PALM2AKAP2: variants seen among roughly 807,000 people sequenced by gnomAD.
PALM2AKAP2 encodes the protein PALM2-AKAP2 fusion protein.
Under a neutral mutation model 71.5 loss-of-function variants are expected in PALM2AKAP2, and 37 were observed. That is an observed-to-expected ratio of 0.52 (90% CI 0.40 to 0.68). The LOEUF (loss-of-function observed/expected upper bound fraction) is 0.68. PALM2AKAP2 is among the 30% of genes least tolerant of loss of function. The probability of loss-of-function intolerance (pLI) is 0.00; values close to 1 mark genes in which losing one functional copy is unlikely to be tolerated. For synonymous variants in PALM2AKAP2, 468 were observed against 478.8 expected (o/e 0.98, Z 0.29); for missense variants, 1,224 against 1,191.8 (o/e 1.03, Z -0.40).
chr9:109,783,071 C>T (rs1005918484), intron 1 of PALM2AKAP2, among the ~76,000 whole-genome samples: 13 of 152,152 alleles, frequency 8.5e-5, no homozygotes, highest in South Asian at 2.1e-4. Context: ...GGCAGAGAAT[C>T]GACTGGGATT....
At chr9:109,723,984 T>A (rs1465422960) in intron 1 of PALM2AKAP2, among the ~76,000 whole-genome samples, 1 of 152,198 alleles carries the variant, frequency 6.6e-6, no homozygotes, top group Non-Finnish European at 1.5e-5. Flanking sequence ...TTGAAGGACT[T>A]TAGTCAGCTC....
At chr9:109,777,300 T>C (rs561236709), upstream of PALM2AKAP2, among the ~76,000 whole-genome samples, 1 of 152,354 alleles carries the variant, frequency 6.6e-6, no homozygotes, top group Admixed American at 6.5e-5. Context: ...CTGGCTAATG[T>C]GATGCTCATC....
At chr9:109,941,509 C>G (rs1831366528) in intron 6 of PALM2AKAP2, among the ~76,000 whole-genome samples, 2 of 152,172 alleles carry the variant, frequency 1.3e-5, no homozygotes, top group African/African-American at 4.8e-5. Flanking sequence ...GACTAGGTAG[C>G]AGTGCTGCTG....
chr9:110,035,402 GTA>G (rs1833374795), intron 7 of PALM2AKAP2, among the ~76,000 whole-genome samples: 1 of 70,118 alleles, frequency 1.4e-5, no homozygotes, highest in Non-Finnish European at 2.5e-5. Context: ...ATACATATAC[GTA>G]TATAATATGT....
chr9:110,032,897 C>G (rs1205124223), intron 7 of PALM2AKAP2, among the ~76,000 whole-genome samples: 1 of 151,962 alleles, frequency 6.6e-6, no homozygotes, highest in Non-Finnish European at 1.5e-5. Context: ...AATCCTACCA[C>G]TGCACTGTAG....
In PALM2AKAP2 at chr9:109,933,533, A is replaced by T. The variant is rs1379596139; in HGVS notation, c.496+1505A>T. Among the ~76,000 whole-genome samples the T allele has an allele frequency of 1.3e-5, 2 of 152,236 alleles. 1 individual carries two copies. On this transcript the variant is annotated intron_variant, in intron 6 of 9. Coordinates refer to the PALM2AKAP2 transcript ENST00000302798. ...TTTTAAGAGACAGAAAAAGAATTTGAGCAGTGTGGGTAGTCAAAGAGTTTA... is the reference window on the plus strand; with the variant it reads ...TTTTAAGAGACAGAAAAAGAATTTGTGCAGTGTGGGTAGTCAAAGAGTTTA...
upstream of PALM2AKAP2, among the ~76,000 whole-genome samples, chr9:109,777,283 A>G (rs1483684996): frequency 6.6e-6 from 1 of 152,110 alleles, no homozygotes; most frequent in Non-Finnish European, 1.5e-5. Flanking sequence ...CTTCTTCCCA[A>G]GGCTAACTGG....
intron 3 of PALM2AKAP2, among the ~76,000 whole-genome samples, chr9:110,163,177 T>G (rs1195335314): frequency 6.6e-6 from 1 of 152,164 alleles, no homozygotes; most frequent in Non-Finnish European, 1.5e-5. Flanking sequence ...ATTTCTGTAT[T>G]TTATTTTGAT....
intron 2 of PALM2AKAP2, among the ~76,000 whole-genome samples, chr9:109,869,601 G>C (rs1409397301): frequency 6.6e-6 from 1 of 151,028 alleles, no homozygotes; most frequent in Non-Finnish European, 1.5e-5. Context: ...GCCTCCCAAA[G>C]TGCTGGGATT....
intron 1 of PALM2AKAP2, among the ~76,000 whole-genome samples, chr9:109,845,068 A>G (rs1304741387): frequency 6.6e-6 from 1 of 152,132 alleles, no homozygotes; most frequent in Non-Finnish European, 1.5e-5. Flanking sequence ...TTTACACCTT[A>G]AACACTCTTC....
chr9:109,679,766 T>C (rs528449543), intron 1 of PALM2AKAP2, among the ~76,000 whole-genome samples: 1 of 152,224 alleles, frequency 6.6e-6, no homozygotes, highest in South Asian at 2.1e-4. Context: ...TCTCCTCTTC[T>C]CCCCTAGGGT....
Position 109,696,880 on chromosome 9 carries a change from T to A in PALM2AKAP2, c.5+56014T>A, listed in dbSNP as rs186157686. Among the ~76,000 whole-genome samples the A allele has an allele frequency of 1.2e-3, 178 of 152,214 alleles. 1 individual carries two copies. Among genetic ancestry groups the A allele is most frequent in the African/African-American group, 4.0e-3 (166 of 41,526 alleles). On this transcript the variant is annotated intron_variant, in intron 1 of 6. Transcript: ENST00000374531. ...GTATATTGGCAATATACAAAGCCAATATCTATTGTATATTGTGGTACAAAA... is the reference window on the plus strand; with the variant it reads ...GTATATTGGCAATATACAAAGCCAAAATCTATTGTATATTGTGGTACAAAA...
intron 1 of PALM2AKAP2, among the ~76,000 whole-genome samples, chr9:109,757,392 C>A (rs1999004): frequency 8.6e-5 from 13 of 151,826 alleles, no homozygotes; most frequent in Admixed American, 2.6e-4. Flanking sequence ...GAAATAAAAG[C>A]CTTTGATGCC....
chr9:109,937,258 G>A (rs1236794049), intron 6 of PALM2AKAP2, among the ~76,000 whole-genome samples: 2 of 152,110 alleles, frequency 1.3e-5, no homozygotes, highest in Admixed American at 6.6e-5. Flanking sequence ...TTTTAGGTGG[G>A]CACCTTCCCC....
intron 1 of PALM2AKAP2, among the ~76,000 whole-genome samples, chr9:109,816,479 G>A (rs1455484768): frequency 6.6e-6 from 1 of 152,108 alleles, no homozygotes; most frequent in East Asian, 1.9e-4. Flanking sequence ...GGAAAGAGGC[G>A]AGGCTGTGGT....
In PALM2AKAP2 at chr9:109,867,579, G is replaced by T; in HGVS notation, c.126+8G>T. On this transcript the variant is annotated splice_region_variant and intron_variant, in intron 2 of 9. Transcript: ENST00000302798. ...CTGCTGCAGCATTCCAAGGTAAGCAGCTGATCCCAGGAACCTATTCCATTA... is the reference window on the plus strand; with the variant it reads ...CTGCTGCAGCATTCCAAGGTAAGCATCTGATCCCAGGAACCTATTCCATTA... 1 of 1,610,294 alleles carries T rather than the reference G, an allele frequency of 6.2e-7. No individual in the cohort carries two copies.
chr9:110,107,213 T>C (rs939792101), intron 1 of PALM2AKAP2, among the ~76,000 whole-genome samples: 9 of 152,194 alleles, frequency 5.9e-5, no homozygotes, highest in African/African-American at 2.2e-4. Context: ...AACAATAATA[T>C]ACAGTTTCAA....
At chr9:109,669,333 A>G (rs1827539673) in intron 1 of PALM2AKAP2, among the ~76,000 whole-genome samples, 1 of 152,028 alleles carries the variant, frequency 6.6e-6, no homozygotes, top group African/African-American at 2.4e-5. Flanking sequence ...TGAGACAATC[A>G]CATGGATTCC....
chr9:110,046,714 C>T (rs1322693598), upstream of PALM2AKAP2, among the ~76,000 whole-genome samples: 2 of 152,170 alleles, frequency 1.3e-5, no homozygotes, highest in African/African-American at 2.4e-5. Context: ...ATGATCCGCC[C>T]ACCTCGGCCT....
Sources: allele counts gnomAD v4.1 joint callset (sites outside exome capture counted in the v4.1 genomes callset), GRCh38; gene constraint gnomAD v4.1.1; transcripts MANE v1.5; gene names NCBI Gene and HGNC (gene_info 2026-07-23, HGNC 2026-07-21).